TFRC: variants seen among roughly 807,000 people sequenced by gnomAD.
TFRC encodes transferrin receptor protein 1.
In TFRC, 35 loss-of-function variants were observed where a neutral mutation model predicts 85.8. That is an observed-to-expected ratio of 0.41 (90% CI 0.31 to 0.54). The LOEUF (loss-of-function observed/expected upper bound fraction) is 0.54, where lower values mean the gene tolerates loss of function less well. TFRC is among the 20% of genes least tolerant of loss of function. The pLI is 0.31. For synonymous variants in TFRC, 362 were observed against 328.6 expected (o/e 1.10, Z -1.10); for missense variants, 828 against 921.5 (o/e 0.90, Z 1.31).
At chr3:196,053,336 G>A (rs1716498581) in intron 18 of TFRC, 82 bp downstream of exon 18, 4 of 1,498,764 alleles carry the variant, frequency 2.7e-6, no homozygotes, top group Non-Finnish European at 3.7e-6. Context: ...GACTCCTAGA[G>A]TTTGTCCACT....
Position 196,058,368 on chromosome 3 carries a change from G to C in TFRC, c.1596-3C>G. 1 of 1,611,718 alleles carries C rather than the reference G, an allele frequency of 6.2e-7. No individual in the cohort carries two copies. The highest frequency in any genetic ancestry group is 8.5e-7 in the Non-Finnish European group (1 of 1,178,070). On this transcript the variant is annotated splice_polypyrimidine_tract_variant and splice_region_variant and intron_variant, in intron 15 of 18. Coordinates refer to ENST00000360110, the MANE Select transcript of TFRC (RefSeq NM_001128148.3). ...CATTGTCTAAAGTGAGTTTCTCACT[G>C]CAAAGACAAAGAATGTGTCTTTAGA...
rs1560087210 is a variant in TFRC at position 196,073,052 on chromosome 3, A to G, written c.434+878T>C. On this transcript the variant is annotated intron_variant, in intron 4 of 18. Coordinates refer to ENST00000360110, the MANE Select transcript of TFRC (RefSeq NM_001128148.3). ...CCGTTTCTGCAAAAAAAAAAAAAAA[A>G]AAAAAAAACCCACAAAAATTAGCAG... Among the ~76,000 whole-genome samples the G allele has an allele frequency of 2.0e-5, 3 of 148,420 alleles. No homozygotes were observed. In the South Asian group the frequency reaches 6.4e-4, roughly 31 times the overall value.
At position 196,062,618 on chromosome 3, in the gene TFRC, C is replaced by T. The variant is rs1560075220; in HGVS notation, c.1432G>A (p.Ala478Thr). 3.7e-6 allele frequency: 6 copies of T among 1,609,356 alleles called. No homozygotes were observed. Among genetic ancestry groups the T allele is most frequent in the Non-Finnish European group, 5.1e-6 (6 of 1,178,712 alleles). ...TTATCCAGATTAATATAAGTGAAAG[C>T]CTTTAAATGCAGGGACGAAAGGTAT... is the stretch of plus-strand genomic sequence containing the variant. ...EGYLSSLHLKAFTYINLDKAV... is the reference protein window; with the variant it reads ...EGYLSSLHLKTFTYINLDKAV... Residue 478 changes from alanine to threonine, a missense_variant, in exon 13 of 19, where the codon GCT (alanine) becomes ACT (threonine). Transcript: ENST00000360110.
intron 11 of TFRC, among the ~76,000 whole-genome samples, chr3:196,063,582 T>C (rs965043015): frequency 2.0e-5 from 3 of 152,042 alleles, no homozygotes; most frequent in African/African-American, 7.3e-5. Context: ...TGATTTTGAA[T>C]GTGTGGGTGG....
chr3:196,061,309 T>A (rs1201364922), intron 13 of TFRC, among the ~76,000 whole-genome samples: 1 of 152,186 alleles, frequency 6.6e-6, no homozygotes, highest in Non-Finnish European at 1.5e-5. Flanking sequence ...CATAGTTTAG[T>A]TTCTTCTCAC....
Position 196,064,160 on chromosome 3 carries a change from TACA to T in TFRC, c.1318+146_1318+148del, listed in dbSNP as rs1560076799. 5 of 846,518 alleles carry T rather than the reference TACA, an allele frequency of 5.9e-6. No homozygotes were observed. In the East Asian group the frequency reaches 1.6e-4, roughly 27 times the overall value. The allele number at this position is 846,518 out of a possible 1,614,324, so 52.4% of individuals were successfully genotyped here. A position where few individuals can be genotyped will look rare whatever the true frequency, so the allele number is the denominator to read the frequency against. The stretch of plus-strand genomic sequence containing the variant: ...AAGCTGTTTCAAAGGAAAAGGCAGC[TACA>T]ACAAAAGACAATCTGCCTTGTATTT... On this transcript the variant is annotated intron_variant, in intron 11 of 18. Transcript: ENST00000360110.
At chr3:196,057,842 T>C (rs1236710518) in intron 16 of TFRC, 1 of 150,148 alleles carries the variant, frequency 6.7e-6, no homozygotes, top group Non-Finnish European at 1.5e-5. Context: ...CTAAGATATG[T>C]GCAAGTTGTC....
rs768640477 is a variant in TFRC, at chr3:196,069,499, A to G, written c.757T>C (p.Ser253Pro). 2.5e-6 allele frequency: 4 copies of G among 1,613,518 alleles called. No individual in the cohort carries two copies. Among genetic ancestry groups the G allele is most frequent in the Non-Finnish European group, 3.4e-6 (4 of 1,179,730 alleles). ...FEDLYTPVNG[S>P]IVIVRAGKIT... ...TTCCCTGCTCTGACAATCACTATAG[A>G]TCCATTCACAGGAGTGTATAAATCC... Residue 253 changes from serine (S) to proline (P), a missense_variant, in exon 7 of 19, where the codon TCT becomes CCT. Transcript: ENST00000360110.
chr3:196,062,324 G>A lies in TFRC; in HGVS notation c.1468+258C>T, dbSNP rs995172052. On this transcript the variant is annotated intron_variant, in intron 13 of 18. Coordinates refer to ENST00000360110, the MANE Select transcript of TFRC (RefSeq NM_001128148.3). Reference sequence around the variant, plus strand: ...AGGCAGGCAGATCGCCTGAGGTCAGGAGTTCGAGACCATCCTGGCCAACAT... The same window carrying A: ...AGGCAGGCAGATCGCCTGAGGTCAGAAGTTCGAGACCATCCTGGCCAACAT... 2.2e-5 allele frequency: 9 copies of A among 411,462 alleles called. No homozygotes were observed. The Admixed American group carries it at 3.5e-4, about 16-fold the overall frequency. The allele number at this position is 411,462 out of a possible 1,614,324, so 25.5% of individuals were successfully genotyped here.
At chr3:196,079,519 C>G (rs35969275) in intron 1 of TFRC, among the ~76,000 whole-genome samples, 467 of 152,252 alleles carry the variant, frequency 3.1e-3, no homozygotes, top group Non-Finnish European at 5.5e-3. Flanking sequence ...GAGGCTGAGG[C>G]AGGAGAATCA....
chr3:196,051,976 G>C lies in TFRC; in HGVS notation c.2249C>G (p.Ser750Cys). ...WTIQGAANAL[S>C]GDVWDIDNEF ...ATTGTCAATGTCCCAAACGTCACCA[G>C]AGAGGGCATTTGCAGCTCCCTGAAT... Residue 750 changes from serine (S) to cysteine (C), a missense_variant, in exon 19 of 19, where the codon TCT becomes TGT. Ser to Cys is a moderately radical substitution (Grantham distance 112). Transcript: ENST00000360110. The C allele has an allele frequency of 6.2e-7, 1 of 1,614,212 alleles. No individual in the cohort carries two copies. The highest frequency in any genetic ancestry group is 8.5e-7 in the Non-Finnish European group (1 of 1,180,034).
intron 17 of TFRC, among the ~76,000 whole-genome samples, chr3:196,053,916 T>C (rs979456795): frequency 6.6e-6 from 1 of 152,224 alleles, no homozygotes; most frequent in African/African-American, 2.4e-5. Context: ...GTAAGTTCCA[T>C]TTTCAACAGT....
chr3:196,055,444 T>C, intron 16 of TFRC, 143 bp from the exon 17 acceptor site: 4 of 665,222 alleles, frequency 6.0e-6, no homozygotes, highest in South Asian at 1.8e-5. Flanking sequence ...CCCAATTCTA[T>C]CTCATTATCT....
At chr3:196,079,278 A>G (rs1352132920) in intron 1 of TFRC, among the ~76,000 whole-genome samples, 3 of 152,190 alleles carry the variant, frequency 2.0e-5, no homozygotes, top group Non-Finnish European at 4.4e-5. Flanking sequence ...CTGAACCATC[A>G]TTCCTCAAGT....
At chr3:196,058,537 T>C in intron 15 of TFRC, 37 bp downstream of exon 15, 1 of 1,591,692 alleles carries the variant, frequency 6.3e-7, no homozygotes, top group East Asian at 2.2e-5. Context: ...AATCTCTGCT[T>C]TTCTATTAGT....
intron 8 of TFRC, 114 bp downstream of exon 8, chr3:196,067,918 G>A (rs1365677170): frequency 5.9e-6 from 5 of 854,270 alleles, no homozygotes; most frequent in African/African-American, 1.7e-5. Context: ...TACTGCTAAC[G>A]CCCTCCCAGA....
intron 3 of TFRC, among the ~76,000 whole-genome samples, 199 bp downstream of exon 3, chr3:196,074,960 C>T (rs984839827): frequency 4.0e-5 from 6 of 148,230 alleles, no homozygotes; most frequent in Admixed American, 6.9e-5. Context: ...GGCAGAGAAT[C>T]GCTTAAACCT....
chr3:196,065,013 T>G (rs1717595391), intron 10 of TFRC, among the ~76,000 whole-genome samples: 2 of 151,962 alleles, frequency 1.3e-5, no homozygotes, highest in Non-Finnish European at 2.9e-5. Flanking sequence ...ATCCCAGCAC[T>G]TTGGGAGGCT....
chr3:196,056,462 C>T (rs537415729), intron 16 of TFRC, among the ~76,000 whole-genome samples: 2 of 152,184 alleles, frequency 1.3e-5, no homozygotes, highest in African/African-American at 2.4e-5. Context: ...TGCAATGGCA[C>T]GATCTCGGCT....
Sources: allele counts gnomAD v4.1 joint callset (sites outside exome capture counted in the v4.1 genomes callset), GRCh38; gene constraint gnomAD v4.1.1; transcripts MANE v1.5; gene names NCBI Gene and HGNC (gene_info 2026-07-23, HGNC 2026-07-21).